Variants in RBFOX3 observed in about 807,000 individuals in gnomAD.
RBFOX3 encodes RNA binding protein fox-1 homolog 3.
RBFOX3 carries 17 observed loss-of-function variants against 48.7 expected under a neutral mutation model. The observed-to-expected ratio is 0.35, with a 90% CI of 0.24 to 0.52. RBFOX3 has a LOEUF of 0.52. Ranked by LOEUF, RBFOX3 falls within the 20% of genes least tolerant of loss-of-function variation. The pLI is 0.94. For synonymous variants in RBFOX3, 212 were observed against 209.5 expected (o/e 1.01, Z -0.10); for missense variants, 382 against 497.5 (o/e 0.77, Z 2.21).
At chr17:79,178,345 A>T (rs747344868) in intron 4 of RBFOX3, among the ~76,000 whole-genome samples, 4 of 152,216 alleles carry the variant, frequency 2.6e-5, no homozygotes, top group Non-Finnish European at 5.9e-5. Context: ...GCCAAGAAAG[A>T]GCTTAAGCCT....
intron 1 of RBFOX3, among the ~76,000 whole-genome samples, chr17:79,568,256 G>A (rs2092541489): frequency 6.6e-6 from 1 of 152,156 alleles, no homozygotes; most frequent in African/African-American, 2.4e-5. Context: ...GATACCACAA[G>A]CAAGTCCATG....
intron 1 of RBFOX3, among the ~76,000 whole-genome samples, chr17:79,488,563 C>T (rs1365273882): frequency 3.3e-5 from 5 of 152,188 alleles, no homozygotes; most frequent in African/African-American, 7.2e-5. Flanking sequence ...GAGCAGGACC[C>T]GCAGGCCTGG....
At chr17:79,452,365 A>T (rs1598753914) in intron 2 of RBFOX3, among the ~76,000 whole-genome samples, 1 of 152,204 alleles carries the variant, frequency 6.6e-6, no homozygotes, top group East Asian at 1.9e-4. Context: ...GCGGATGGGC[A>T]TTCTTTGTGC....
At chr17:79,100,021 T>C (rs1331409127) in intron 9 of RBFOX3, 1 of 152,178 alleles carries the variant, frequency 6.6e-6, no homozygotes, top group East Asian at 1.9e-4. Flanking sequence ...GATGAAGAGA[T>C]TGAGATGAAA....
chr17:79,203,074 G>A (rs928328251), intron 4 of RBFOX3, among the ~76,000 whole-genome samples: 6 of 151,906 alleles, frequency 3.9e-5, no homozygotes, highest in Admixed American at 2.0e-4. Context: ...TCGGGGCCTG[G>A]ATTTTGGGGG....
At chr17:79,107,271 G>GT (rs1435362945) in intron 5 of RBFOX3, among the ~76,000 whole-genome samples, 1 of 151,994 alleles carries the variant, frequency 6.6e-6, no homozygotes, top group Non-Finnish European at 1.5e-5. Flanking sequence ...TGCCCTTCGT[G>GT]TCCCCCATCC....
intron 14 of RBFOX3, among the ~76,000 whole-genome samples, chr17:79,093,442 G>T (rs2074384997): frequency 1.3e-5 from 2 of 151,974 alleles, no homozygotes; most frequent in Admixed American, 1.3e-4. Flanking sequence ...GGGCCCAAGA[G>T]CCAGGGTATC....
intron 2 of RBFOX3, among the ~76,000 whole-genome samples, chr17:79,474,603 G>C (rs1209395515): frequency 1.3e-5 from 2 of 152,122 alleles, no homozygotes; most frequent in African/African-American, 2.4e-5. Context: ...TTTGACTTTT[G>C]TATCCGTGAA....
At chr17:79,416,004 G>C (rs1471417310) in intron 2 of RBFOX3, among the ~76,000 whole-genome samples, 1 of 152,176 alleles carries the variant, frequency 6.6e-6, no homozygotes, top group Non-Finnish European at 1.5e-5. Flanking sequence ...CCAGGAGGAG[G>C]CTGGAAAAGG....
rs577199754 is a variant in RBFOX3 at position 79,246,879 on chromosome 17, C to T, written c.-73-11074G>A. ...CAATGGGATGGGGGTGGGGGGAGAA[C>T]GGCGGAGACAGGAAAAGGAGCCGAG... On this transcript the variant is annotated intron_variant, in intron 3 of 14. Coordinates refer to ENST00000693108, the MANE Select transcript of RBFOX3 (RefSeq NM_001350451.2). Among the ~76,000 whole-genome samples the T allele has an allele frequency of 1.1e-3, 165 of 152,192 alleles. 1 individual carries two copies. The highest frequency in any genetic ancestry group is 2.3e-3 in the East Asian group (12 of 5,188).
intron 4 of RBFOX3, among the ~76,000 whole-genome samples, chr17:79,227,284 A>G (rs1017987010): frequency 1.3e-5 from 2 of 152,158 alleles, no homozygotes; most frequent in African/African-American, 4.8e-5. Context: ...GAGAACATCC[A>G]CAGAGGCAGG....
At chr17:79,658,602 A>G in the RBFOX3 span, among the ~76,000 whole-genome samples, 1 of 152,006 alleles carries the variant, frequency 6.6e-6, no homozygotes, top group African/African-American at 2.4e-5. Context: ...ACTGCAGCTC[A>G]GAACAGTGAA....
At chr17:79,174,654 A>G (rs2050145210) in intron 4 of RBFOX3, among the ~76,000 whole-genome samples, 2 of 148,018 alleles carry the variant, frequency 1.4e-5, no homozygotes. Context: ...ACACACACCC[A>G]ATGCACACAA....
At position 79,579,047 on chromosome 17, in the gene RBFOX3, G is replaced by A. The variant is rs1218257553; in HGVS notation, c.-320+31779C>T. Reference sequence around the variant, plus strand: ...ATCGTGCTTGGTCCATCTCCCATGCGTCTCCGTCGCGTTCCCTCTTCCCTT... The same window carrying A: ...ATCGTGCTTGGTCCATCTCCCATGCATCTCCGTCGCGTTCCCTCTTCCCTT... On this transcript the variant is annotated intron_variant, in intron 1 of 14. Coordinates refer to ENST00000693108, the MANE Select transcript of RBFOX3 (RefSeq NM_001350451.2). Among the ~76,000 whole-genome samples the A allele has an allele frequency of 2.8e-4, 43 of 152,294 alleles. 1 individual carries two copies. The East Asian group carries it at 6.8e-3, about 24-fold the overall frequency.
chr17:79,651,480 G>A, the RBFOX3 span, among the ~76,000 whole-genome samples: 1 of 152,126 alleles, frequency 6.6e-6, no homozygotes, highest in Non-Finnish European at 1.5e-5. Context: ...CCCTCCCACT[G>A]TTCCAGGTTG....
At chr17:79,358,893 G>C (rs1320697896) in intron 2 of RBFOX3, among the ~76,000 whole-genome samples, 1 of 152,168 alleles carries the variant, frequency 6.6e-6, no homozygotes, top group East Asian at 1.9e-4. Context: ...TTGCTCGAGA[G>C]CCACTTGGGA....
At chr17:79,437,187 C>T (rs1380217380) in intron 2 of RBFOX3, among the ~76,000 whole-genome samples, 1 of 152,164 alleles carries the variant, frequency 6.6e-6, no homozygotes, top group Non-Finnish European at 1.5e-5. Flanking sequence ...GTCTCACCCC[C>T]CAGGAGCCCC....
intron 4 of RBFOX3, among the ~76,000 whole-genome samples, chr17:79,150,558 C>T (rs1040485029): frequency 7.9e-5 from 12 of 152,180 alleles, no homozygotes. Flanking sequence ...GGCTCAACTT[C>T]TTTGAGAACC....
chr17:79,454,287 T>A (rs534958456), intron 2 of RBFOX3, among the ~76,000 whole-genome samples: 10 of 152,122 alleles, frequency 6.6e-5, no homozygotes, highest in Non-Finnish European at 1.3e-4. Flanking sequence ...CTCCTCAGCA[T>A]ACCCCCAAAT....
Sources: gnomAD v4.1 joint callset for allele counts (sites outside exome capture counted in the v4.1 genomes callset) on GRCh38, gnomAD v4.1.1 for gene constraint, MANE v1.5 for transcripts, NCBI Gene and HGNC (gene_info 2026-07-23, HGNC 2026-07-21) for gene names.